Variants in BLZF1 observed in about 807,000 individuals in gnomAD.
BLZF1 encodes the protein golgin-45.
BLZF1 carries 39 observed loss-of-function variants against 43.8 expected under a neutral mutation model. The observed-to-expected ratio is 0.89, with a 90% CI of 0.69 to 1.16. The LOEUF is 1.16. Ranked by LOEUF, BLZF1 falls within the 50% of genes most tolerant of loss-of-function variation. The pLI is 0.00. For synonymous variants in BLZF1, 136 were observed against 159.4 expected, an observed-to-expected ratio of 0.85 and a Z score of 1.11; for missense variants, 449 against 469.8, an observed-to-expected ratio of 0.96 and a Z score of 0.41.
chr1:169,395,014 G>A, intron 7 of BLZF1: 14 of 1,537,422 alleles, frequency 9.1e-6, no homozygotes, highest in East Asian at 2.4e-5. Flanking sequence ...AATTTTGATA[G>A]CAGCTGCCCA....
At chr1:169,371,982 C>T (rs181196222) in intron 2 of BLZF1, among the ~76,000 whole-genome samples, 217 of 152,182 alleles carry the variant, frequency 1.4e-3, no homozygotes, top group Non-Finnish European at 2.5e-3. Context: ...CTCTCAGAGT[C>T]CTATAGTATA....
chr1:169,373,738 T>C (rs903592567), intron 2 of BLZF1, among the ~76,000 whole-genome samples: 2 of 152,196 alleles, frequency 1.3e-5, no homozygotes, highest in African/African-American at 4.8e-5. Flanking sequence ...AAGAGATTTC[T>C]GTTAAATACC....
intron 4 of BLZF1, among the ~76,000 whole-genome samples, chr1:169,379,548 A>T (rs1383151503): frequency 2.6e-5 from 4 of 152,050 alleles, no homozygotes; most frequent in Non-Finnish European, 4.4e-5. Context: ...ATCCTGATCA[A>T]CACCAATAGT....
downstream of BLZF1, among the ~76,000 whole-genome samples, chr1:169,392,882 C>T (rs1352331540): frequency 2.0e-5 from 3 of 152,128 alleles, no homozygotes; most frequent in Admixed American, 1.3e-4. Flanking sequence ...GGAAGTTCCA[C>T]GACCCTTCCT....
intron 4 of BLZF1, among the ~76,000 whole-genome samples, chr1:169,379,256 A>G (rs1654455752): frequency 6.6e-6 from 1 of 152,040 alleles, no homozygotes; most frequent in Non-Finnish European, 1.5e-5. Context: ...AAAACAACCA[A>G]AGGTTTACAG....
Position 169,381,135 on chromosome 1 carries a change from C to T in BLZF1, c.797+526C>T, listed in dbSNP as rs760418706. 4.6e-5 allele frequency among the ~76,000 whole-genome samples: 7 copies of T among 151,646 alleles called. No individual in the cohort carries two copies. In the East Asian group the frequency reaches 7.7e-4, roughly 17 times the overall value. The stretch of plus-strand genomic sequence containing the variant: ...ATTAGAAGAATGAAAACACAAGAAA[C>T]GTCTAACCAGTTTAATCAGGAAAAA... On this transcript the variant is annotated intron_variant, in intron 5 of 6. Transcript: ENST00000367808.
intron 4 of BLZF1, among the ~76,000 whole-genome samples, chr1:169,380,108 G>C (rs1654479578): frequency 6.6e-6 from 1 of 151,784 alleles, no homozygotes; most frequent in Non-Finnish European, 1.5e-5. Flanking sequence ...AGGTAATTGA[G>C]TGAAGAAGAT....
chr1:169,370,590 A>G (rs982066289), intron 2 of BLZF1, among the ~76,000 whole-genome samples: 5 of 152,216 alleles, frequency 3.3e-5, no homozygotes, highest in Non-Finnish European at 5.9e-5. Flanking sequence ...CAGTTTCTCA[A>G]TGACGCTTGC....
intron 6 of BLZF1, among the ~76,000 whole-genome samples, chr1:169,382,904 T>C (rs1654566868): frequency 6.6e-6 from 1 of 152,208 alleles, no homozygotes; most frequent in South Asian, 2.1e-4. Context: ...TCTTTCCAAC[T>C]CTGATTCTTC....
chr1:169,370,776 C>G (rs926617920), intron 2 of BLZF1, among the ~76,000 whole-genome samples: 1 of 152,164 alleles, frequency 6.6e-6, no homozygotes, highest in Non-Finnish European at 1.5e-5. Context: ...TTTCTACTCT[C>G]ATGACTTCAG....
At chr1:169,370,163 C>G (rs1654063116) in intron 2 of BLZF1, among the ~76,000 whole-genome samples, 1 of 152,202 alleles carries the variant, frequency 6.6e-6, no homozygotes, top group Admixed American at 6.5e-5. Flanking sequence ...TCCCTATGTG[C>G]ATGTTTCTGT....
chr1:169,386,933 A>G (rs1174190645), intron 6 of BLZF1, 64 bp from the exon 7 acceptor site: 3 of 1,229,974 alleles, frequency 2.4e-6, no homozygotes, highest in Non-Finnish European at 3.4e-6. Context: ...GTATACATCA[A>G]TGAAATCTTA....
Position 169,377,840 on chromosome 1 carries a change from A to G in BLZF1, c.469-490A>G, listed in dbSNP as rs368389906. Among the ~76,000 whole-genome samples the G allele has an allele frequency of 5.9e-3, 903 of 152,080 alleles. 3 individuals carry two copies. The highest frequency in any genetic ancestry group is 9.9e-3 in the Non-Finnish European group (673 of 67,898). On this transcript the variant is annotated intron_variant, in intron 3 of 6. Transcript: ENST00000367808. ...ACCATATACCAATAACTGTTATTGGATATCTTTTAATTTTTTGCTCTTTTC... is the reference window on the plus strand; with the variant it reads ...ACCATATACCAATAACTGTTATTGGGTATCTTTTAATTTTTTGCTCTTTTC...
At chr1:169,390,092 T>C (rs1654781628), downstream of BLZF1, among the ~76,000 whole-genome samples, 1 of 152,132 alleles carries the variant, frequency 6.6e-6, no homozygotes, top group Admixed American at 6.5e-5. Flanking sequence ...ATATTTAAAA[T>C]GGTAAATTTT....
intron 2 of BLZF1, 116 bp downstream of exon 2, chr1:169,369,666 G>A (rs1417417453): frequency 1.4e-6 from 1 of 706,812 alleles, no homozygotes; most frequent in East Asian, 2.8e-5. Flanking sequence ...TGTTATTTCA[G>A]ATCCCTTTAT....
intron 4 of BLZF1, among the ~76,000 whole-genome samples, chr1:169,380,224 A>G (rs1654482364): frequency 6.6e-6 from 1 of 151,994 alleles, no homozygotes; most frequent in South Asian, 2.1e-4. Context: ...ATGTACTCCA[A>G]AAGTCATTAT....
intron 2 of BLZF1, among the ~76,000 whole-genome samples, chr1:169,375,360 A>G (rs1309825726): frequency 7.9e-6 from 1 of 126,838 alleles, no homozygotes; most frequent in African/African-American, 2.9e-5. Context: ...TATATAAAAA[A>G]CATATATACA....
chr1:169,374,349 T>A (rs1654227064), intron 2 of BLZF1, among the ~76,000 whole-genome samples: 1 of 152,096 alleles, frequency 6.6e-6, no homozygotes, highest in South Asian at 2.1e-4. Context: ...TTTAAATGAT[T>A]CAGTGGAAGT....
intron 7 of BLZF1, among the ~76,000 whole-genome samples, chr1:169,393,577 ACTGT>A (rs1362672574): frequency 6.4e-5 from 9 of 139,682 alleles, no homozygotes; most frequent in African/African-American, 1.8e-4. Context: ...AGACTGTGAG[ACTGT>A]CTAAGGGAAA....
Sources: allele counts gnomAD v4.1 joint callset (sites outside exome capture counted in the v4.1 genomes callset), GRCh38; gene constraint gnomAD v4.1.1; transcripts MANE v1.5; gene names NCBI Gene and HGNC (gene_info 2026-07-23, HGNC 2026-07-21).